Variants in ADCY9 observed in about 807,000 individuals in gnomAD.
ADCY9 encodes the protein adenylate cyclase type 9.
In ADCY9, 50 loss-of-function variants were observed where a neutral mutation model predicts 101.5. The ratio of observed to expected loss-of-function variants is 0.49; its 90% CI spans 0.39 to 0.62. The LOEUF (loss-of-function observed/expected upper bound fraction) is 0.62. ADCY9 is among the 20% of genes least tolerant of loss of function. The pLI is 0.00. For missense variants in ADCY9, 1,662 were observed against 1,800.4 expected (o/e 0.92, Z 1.39); for synonymous variants, 905 against 769.3 (o/e 1.18, Z -2.92).
intron 6 of ADCY9, 36 bp downstream of exon 6, chr16:3,988,958 A>G (rs2056221006): frequency 2.7e-6 from 4 of 1,498,588 alleles, no homozygotes; most frequent in African/African-American, 1.4e-5. Flanking sequence ...CAACAAACAC[A>G]TTCTTTAGTA....
chr16:3,981,424 A>AC (rs2056141494), intron 7 of ADCY9, among the ~76,000 whole-genome samples: 1 of 152,170 alleles, frequency 6.6e-6, no homozygotes, highest in African/African-American at 2.4e-5. Context: ...GGGAAGGCAG[A>AC]CCTGGGGGAG....
intron 2 of ADCY9, among the ~76,000 whole-genome samples, chr16:4,036,309 G>C (rs906869727): frequency 5.9e-5 from 9 of 152,006 alleles, no homozygotes; most frequent in Admixed American, 5.9e-4. Context: ...CTTTTTCTTT[G>C]AAAGTCTGTA....
chr16:4,094,413 A>G (rs1244893066), intron 2 of ADCY9, among the ~76,000 whole-genome samples: 1 of 152,228 alleles, frequency 6.6e-6, no homozygotes, highest in Non-Finnish European at 1.5e-5. Context: ...TCAGCCGTGC[A>G]AATCACAGCA....
At chr16:3,996,436 C>CT in intron 3 of ADCY9, among the ~76,000 whole-genome samples, 1 of 152,194 alleles carries the variant, frequency 6.6e-6, no homozygotes, top group Non-Finnish European at 1.5e-5. Context: ...GTAAAAAAAT[C>CT]TAACACCAAG....
Position 3,992,892 on chromosome 16 carries a change from G to A in ADCY9, c.1989+514C>T, listed in dbSNP as rs999921442. ...GGCAGATGGAGAGCAGATGGAGGACGAGAGCCCGCGCCCCAGGTGAGTCGC... is the reference window on the plus strand; with the variant it reads ...GGCAGATGGAGAGCAGATGGAGGACAAGAGCCCGCGCCCCAGGTGAGTCGC... On this transcript the variant is annotated intron_variant, in intron 4 of 10. Transcript: ENST00000294016. The surrounding 1 kb of genome is among the most constrained non-coding windows in gnomAD (Gnocchi z 4.2). Among the ~76,000 whole-genome samples the A allele has an allele frequency of 2.6e-4, 39 of 152,198 alleles. No homozygotes were observed. The highest frequency in any genetic ancestry group is 9.2e-4 in the African/African-American group (38 of 41,522).
chr16:3,968,251 G>C (rs1430555678), intron 10 of ADCY9, among the ~76,000 whole-genome samples: 2 of 151,858 alleles, frequency 1.3e-5, no homozygotes, highest in African/African-American at 4.8e-5. Context: ...TCCTGCCTCA[G>C]CCTCCCCAGT....
rs1469859424 is a variant in ADCY9 at position 4,114,801 on chromosome 16, T to C, written c.642A>G (p.Thr214=). ...SSNLTATARP[T]DTCLSQVGSF... is the part of the protein sequence containing the mutation. The stretch of plus-strand genomic sequence containing the variant: ...TCCCCACTTGAGATAAGCAAGTATC[T>C]GTGGGCCGGGCTGTGGCCGTAAGGT... The change falls in exon 2 of 11, where the codon ACA becomes ACG. Residue 214 remains threonine, a synonymous_variant. Transcript: ENST00000294016. The surrounding 1 kb of genome is among the most constrained non-coding windows in gnomAD (Gnocchi z 4.3). The C allele has an allele frequency of 2.5e-6, 4 of 1,613,346 alleles. No homozygotes were observed. Among genetic ancestry groups the C allele is most frequent in the Non-Finnish European group, 3.4e-6 (4 of 1,180,036 alleles).
chr16:4,037,904 T>C (rs1038469554), intron 2 of ADCY9, among the ~76,000 whole-genome samples: 9 of 152,186 alleles, frequency 5.9e-5, no homozygotes, highest in African/African-American at 2.2e-4. Context: ...TTTGACTCAT[T>C]TTTGAAACCT....
intron 2 of ADCY9, among the ~76,000 whole-genome samples, chr16:4,022,390 C>G (rs1484972076): frequency 6.8e-6 from 1 of 146,472 alleles, no homozygotes; most frequent in African/African-American, 2.5e-5. Flanking sequence ...CCTCAGGAGG[C>G]TGAGGCATGA....
At chr16:4,092,161 T>G (rs1279061570) in intron 2 of ADCY9, among the ~76,000 whole-genome samples, 2 of 152,106 alleles carry the variant, frequency 1.3e-5, no homozygotes, top group African/African-American at 4.8e-5. Context: ...TCACCGGTAC[T>G]TGGGAGGCTG....
intron 2 of ADCY9, among the ~76,000 whole-genome samples, chr16:4,027,890 A>G (rs1049902192): frequency 1.3e-5 from 2 of 151,782 alleles, no homozygotes; most frequent in African/African-American, 4.8e-5. Context: ...AAAAAAAAAA[A>G]AGAAAAAAAA....
intron 2 of ADCY9, among the ~76,000 whole-genome samples, chr16:4,083,860 G>C (rs1288642960): frequency 1.3e-5 from 2 of 152,186 alleles, no homozygotes; most frequent in Admixed American, 6.5e-5. Context: ...GGGAGCACTG[G>C]GGGTGGCAGC....
chr16:3,999,063 C>A (rs1168279164), intron 3 of ADCY9, among the ~76,000 whole-genome samples: 2 of 152,100 alleles, frequency 1.3e-5, no homozygotes, highest in African/African-American at 2.4e-5. Context: ...TGTTTCCCAG[C>A]CGGCTAAACA....
intron 2 of ADCY9, among the ~76,000 whole-genome samples, chr16:4,065,848 C>T (rs1007032222): frequency 2.0e-5 from 3 of 152,200 alleles, no homozygotes; most frequent in Non-Finnish European, 2.9e-5. Flanking sequence ...GGATTACAGG[C>T]GCCCACTGCC....
intron 2 of ADCY9, among the ~76,000 whole-genome samples, chr16:4,090,201 T>C (rs1182302839): frequency 6.6e-6 from 1 of 152,062 alleles, no homozygotes; most frequent in Non-Finnish European, 1.5e-5. Context: ...CTATGGATAC[T>C]TCCAAGCCCA....
At chr16:4,030,383 A>G (rs2056547409) in intron 2 of ADCY9, among the ~76,000 whole-genome samples, 1 of 152,092 alleles carries the variant, frequency 6.6e-6, no homozygotes, top group Non-Finnish European at 1.5e-5. Context: ...CAAACTTTAC[A>G]CTGAGTGACA....
intron 2 of ADCY9, among the ~76,000 whole-genome samples, chr16:4,104,935 G>T (rs1464117967): frequency 6.6e-6 from 1 of 152,076 alleles, no homozygotes; most frequent in Non-Finnish European, 1.5e-5. Context: ...CGGGTGTGGT[G>T]GTGCGTGCCT....
intron 10 of ADCY9, 128 bp from the exon 11 acceptor site, chr16:3,967,094 C>A: frequency 1.3e-6 from 1 of 740,830 alleles, no homozygotes. Context: ...TCAAGCTGCC[C>A]ATTCCTGGTT....
At chr16:3,988,644 G>A (rs2056217693) in intron 6 of ADCY9, among the ~76,000 whole-genome samples, 2 of 131,804 alleles carry the variant, frequency 1.5e-5, no homozygotes, top group African/African-American at 5.6e-5. Flanking sequence ...CCCTTCCAAG[G>A]CAGGTGGGGG....
Sources: allele counts gnomAD v4.1 joint callset (sites outside exome capture counted in the v4.1 genomes callset), GRCh38; gene constraint gnomAD v4.1.1; non-coding constraint Gnocchi (gnomAD v3.1); transcripts MANE v1.5; gene names NCBI Gene and HGNC (gene_info 2026-07-23, HGNC 2026-07-21).